The following IDH1 variants were observed in gnomAD, a reference collection of about 807,000 sequenced individuals.
The protein encoded by IDH1 is isocitrate dehydrogenase [NADP] cytoplasmic.
Under a neutral mutation model 46.1 loss-of-function variants are expected in IDH1, and 33 were observed. That is an observed-to-expected ratio of 0.72 (90% CI 0.54 to 0.96). IDH1 has a LOEUF of 0.96. IDH1 is among the 40% of genes least tolerant of loss of function. The pLI is 0.00. For synonymous variants in IDH1, 144 were observed against 172.8 expected, an observed-to-expected ratio of 0.83 and a Z score of 1.31; for missense variants, 421 against 515.7, an observed-to-expected ratio of 0.82 and a Z score of 1.78.
rs368642313 is a variant in IDH1, at chr2:208,248,540, C to T, written c.243G>A (p.Lys81=). 8 of 1,614,144 alleles carry T rather than the reference C, an allele frequency of 5.0e-6. No individual in the cohort carries two copies. The highest frequency in any genetic ancestry group is 5.1e-6 in the Non-Finnish European group (6 of 1,180,014). ...GTTTCAACTTGAACTCCTCAACCCT[C>T]TTCTCATCAGGAGTGATAGTGGCAC... ...VKCATITPDE[K]RVEEFKLKQM... is the part of the protein sequence containing the mutation. The change falls in exon 4 of 10, where the codon AAG becomes AAA. Residue 81 remains lysine (K), a synonymous_variant. Transcript: ENST00000345146.
At chr2:208,249,331 A>G (rs1270528125) in intron 3 of IDH1, among the ~76,000 whole-genome samples, 1 of 152,164 alleles carries the variant, frequency 6.6e-6, no homozygotes, top group East Asian at 1.9e-4. Flanking sequence ...CGGGGACTAC[A>G]GGCATGCACC....
chr2:208,242,139 G>A lies in IDH1; in HGVS notation c.705C>T (p.Tyr235=), dbSNP rs2124851967. ...TCTTTTGAGCTTCAAACTGGGACTT[G>A]TACTGCCTGGGAAACAAAAGGTAAA... is the stretch of plus-strand genomic sequence containing the variant. The part of the protein sequence containing the change: ...DIFQEIYDKQ[Y]KSQFEAQKIW... Residue 235 remains tyrosine (Y), a synonymous_variant, in exon 7 of 10, where the codon TAC becomes TAT. Transcript: ENST00000345146. 1.9e-6 allele frequency: 3 copies of A among 1,613,820 alleles called. No homozygotes were observed. Among genetic ancestry groups the A allele is most frequent in the Non-Finnish European group, 2.5e-6 (3 of 1,179,842 alleles).
intron 6 of IDH1, among the ~76,000 whole-genome samples, chr2:208,242,749 T>C (rs1687942674): frequency 6.6e-6 from 1 of 151,808 alleles, no homozygotes; most frequent in Admixed American, 6.6e-5. Context: ...AATTTTAAAT[T>C]CTTTTTTTTC....
intron 2 of IDH1, among the ~76,000 whole-genome samples, chr2:208,252,813 A>G (rs1197975711): frequency 5.3e-5 from 8 of 152,192 alleles, no homozygotes; most frequent in Admixed American, 1.3e-4. Context: ...CACTTCCCAA[A>G]TTCGCAATTC....
chr2:208,244,533 A>T (rs1250076726), intron 5 of IDH1, among the ~76,000 whole-genome samples: 3 of 152,228 alleles, frequency 2.0e-5, no homozygotes, highest in African/African-American at 7.2e-5. Flanking sequence ...AGAAATAATT[A>T]TGCTACATGT....
chr2:208,243,091 C>T (rs541913058), intron 6 of IDH1, among the ~76,000 whole-genome samples: 5 of 152,266 alleles, frequency 3.3e-5, no homozygotes, highest in African/African-American at 1.2e-4. Context: ...TAACAATGGG[C>T]TTCAGAAAGA....
At chr2:208,249,114 G>A (rs2124864877) in intron 3 of IDH1, among the ~76,000 whole-genome samples, 1 of 152,096 alleles carries the variant, frequency 6.6e-6, no homozygotes, top group Non-Finnish European at 1.5e-5. Context: ...AGTGGTGGGA[G>A]GTAAAGATGT....
intron 9 of IDH1, 60 bp from the exon 10 acceptor site, chr2:208,237,229 GGTAAA>G (rs1687827831): frequency 1.2e-6 from 1 of 857,256 alleles, no homozygotes; most frequent in Non-Finnish European, 2.0e-6. Flanking sequence ...AGCAGGTAGT[GGTAAA>G]GTCCTAGAAA....
At chr2:208,248,687 GT>G (rs1203595627) in intron 3 of IDH1, 27 bp from the exon 4 acceptor site, 1 of 1,604,182 alleles carries the variant, frequency 6.2e-7, no homozygotes, top group Non-Finnish European at 8.5e-7. Flanking sequence ...TAGAAGCAAA[GT>G]TTTTCAGACA....
At chr2:208,248,335 C>A (rs1288424110) in intron 4 of IDH1, 34 bp downstream of exon 4, 1 of 1,579,570 alleles carries the variant, frequency 6.3e-7, no homozygotes, top group South Asian at 1.1e-5. Flanking sequence ...AAAAAAAAAA[C>A]ATGCAAAATC....
chr2:208,245,391 C>G lies in IDH1; in HGVS notation c.448G>C (p.Gly150Arg), dbSNP rs1382900335. ...GGTGTGTAGGTTATCTCTACTTTTC[C>G]AGGCCCAGGAACAACAAAATCAGTT... ...RATDFVVPGP[G>R]KVEITYTPSD... The change falls in exon 5 of 10, where the codon GGA becomes CGA. Residue 150 changes from glycine (G) to arginine (R), a missense_variant. Coordinates refer to ENST00000345146, the MANE Select transcript of IDH1 (RefSeq NM_005896.4). 1 of 1,611,888 alleles carries G rather than the reference C, an allele frequency of 6.2e-7. No homozygotes were observed. Among genetic ancestry groups the G allele is most frequent in the Non-Finnish European group, 8.5e-7 (1 of 1,178,860 alleles).
Position 208,253,539 on chromosome 2 carries a change from C to T in IDH1, c.-17+347G>A, listed in dbSNP as rs187051367. 3.9e-5 allele frequency among the ~76,000 whole-genome samples: 6 copies of T among 152,288 alleles called. No homozygotes were observed. In the East Asian group the frequency reaches 1.2e-3, roughly 29 times the overall value. On this transcript the variant is annotated intron_variant, in intron 2 of 9. Transcript: ENST00000345146. ...CCAGCTCATATGAAGTAGCTGAATC[C>T]TATCTCCTAACATAATTGTGCAATT...
Position 208,241,974 on chromosome 2 carries a change from G to A in IDH1, c.850+20C>T, listed in dbSNP as rs1178655003. The A allele has an allele frequency of 6.2e-7, 1 of 1,610,974 alleles. No individual in the cohort carries two copies. The highest frequency in any genetic ancestry group is 1.7e-5 in the Admixed American group (1 of 59,990). On this transcript the variant is annotated intron_variant, in intron 7 of 9. Transcript: ENST00000345146. ...CCCTGGAATGACCCTGTTCCTACAG[G>A]CCAGGCTCCACCTCTGTACCTTGGG...
rs9646838 is a variant in IDH1 at position 208,238,771 on chromosome 2, G to A, written c.1154+300C>T. On this transcript the variant is annotated intron_variant, in intron 9 of 9. Transcript: ENST00000345146. ...TACAGCCCAGCACATGAACCAAATCGAGGCTGGTTTTGAACATAAAAGTTT... is the reference window on the plus strand; with the variant it reads ...TACAGCCCAGCACATGAACCAAATCAAGGCTGGTTTTGAACATAAAAGTTT... Among the ~76,000 whole-genome samples, 8,946 of 152,164 alleles carry A rather than the reference G, an allele frequency of 0.059. 325 individuals carry two copies. Among genetic ancestry groups the A allele is most frequent in the African/African-American group, 0.079 (3,260 of 41,498 alleles).
intron 2 of IDH1, among the ~76,000 whole-genome samples, chr2:208,252,470 C>T (rs559459869): frequency 6.2e-4 from 94 of 152,306 alleles, no homozygotes; most frequent in African/African-American, 2.0e-3. Flanking sequence ...CAAGGTTGGA[C>T]GCTTTGGAAG....
intron 1 of IDH1, among the ~76,000 whole-genome samples, chr2:208,254,642 C>G (rs766514895): frequency 3.9e-5 from 6 of 152,224 alleles, no homozygotes; most frequent in Non-Finnish European, 8.8e-5. Context: ...ATTTTCCAAC[C>G]CAAGTGCAGA....
At position 208,249,446 on chromosome 2, in the gene IDH1, C is replaced by T. The variant is rs72989217; in HGVS notation, c.123-786G>A. On this transcript the variant is annotated intron_variant, in intron 3 of 9. Transcript: ENST00000345146. ...AAAGGAATCCATCAATGGTTTTCTA[C>T]ATACCAGAGAGTAATAGCTTAATAT... Among the ~76,000 whole-genome samples, 1,211 of 152,336 alleles carry T rather than the reference C, an allele frequency of 7.9e-3. 5 individuals carry two copies. The highest frequency in any genetic ancestry group is 0.012 in the Non-Finnish European group (848 of 68,034).
intron 7 of IDH1, chr2:208,240,219 C>T (rs2124849498): frequency 3.4e-6 from 2 of 590,104 alleles, no homozygotes; most frequent in East Asian, 6.1e-5. Flanking sequence ...TTTCCCCTCA[C>T]TTATTTCAGG....
chr2:208,244,951 C>G (rs574247830), intron 5 of IDH1, among the ~76,000 whole-genome samples: 5 of 152,280 alleles, frequency 3.3e-5, no homozygotes, highest in African/African-American at 1.2e-4. Context: ...TACAAGAGCC[C>G]TACCAGAGCA....
Sources: allele counts gnomAD v4.1 joint callset (sites outside exome capture counted in the v4.1 genomes callset), GRCh38; gene constraint gnomAD v4.1.1; transcripts MANE v1.5; gene names NCBI Gene and HGNC (gene_info 2026-07-23, HGNC 2026-07-21).